Variants in NRG1 observed in about 807,000 individuals in gnomAD.
NRG1 encodes neuregulin 1.
NRG1 carries 18 observed loss-of-function variants against 63.8 expected under a neutral mutation model. The observed-to-expected ratio is 0.28, with a 90% CI of 0.19 to 0.42. NRG1 has a LOEUF of 0.42. Among genes scored for constraint, NRG1 ranks in the 10% least tolerant of loss-of-function variants. The probability of loss-of-function intolerance (pLI) is 1.00; values close to 1 mark genes in which losing one functional copy is unlikely to be tolerated. For missense variants in NRG1, 762 were observed against 814.7 expected, an observed-to-expected ratio of 0.94 and a Z score of 0.79; for synonymous variants, 302 against 301.3, an observed-to-expected ratio of 1.00 and a Z score of -0.02.
chr8:32,271,667 G>C (rs1328433737), intron 1 of NRG1, among the ~76,000 whole-genome samples: 2 of 152,134 alleles, frequency 1.3e-5, no homozygotes, highest in Non-Finnish European at 2.9e-5. Context: ...GTACTTAAAG[G>C]CTGATCTTCT....
chr8:32,050,207 C>T (rs970090746), intron 1 of NRG1, among the ~76,000 whole-genome samples: 3 of 151,956 alleles, frequency 2.0e-5, no homozygotes, highest in African/African-American at 2.4e-5. Flanking sequence ...AAAGACATTG[C>T]GTCAGTTGGT....
intron 1 of NRG1, among the ~76,000 whole-genome samples, chr8:31,660,292 CAT>C (rs75572186): frequency 0.21 from 32,613 of 151,936 alleles, 4,246 homozygotes; most frequent in East Asian, 0.59. Context: ...GGAGAAAAGA[CAT>C]ATTGATGCTT....
At chr8:32,354,017 A>G (rs139743798) in intron 1 of NRG1, among the ~76,000 whole-genome samples, 99 of 152,354 alleles carry the variant, frequency 6.5e-4, no homozygotes, top group African/African-American at 2.3e-3. Context: ...CAATTGACAC[A>G]TGCTACAACA....
At chr8:32,658,098 G>A (rs1250181089) in intron 5 of NRG1, among the ~76,000 whole-genome samples, 2 of 152,108 alleles carry the variant, frequency 1.3e-5, no homozygotes, top group Non-Finnish European at 2.9e-5. Flanking sequence ...GCATGAATAT[G>A]ATCCTTATAA....
intron 1 of NRG1, among the ~76,000 whole-genome samples, chr8:31,983,059 A>C (rs981847946): frequency 6.6e-6 from 1 of 152,146 alleles, no homozygotes; most frequent in Admixed American, 6.6e-5. Context: ...AATGTGAATA[A>C]TATCATACCT....
At chr8:32,439,319 G>A (rs34871085) in intron 1 of NRG1, among the ~76,000 whole-genome samples, 7,983 of 152,222 alleles carry the variant, frequency 0.052, 282 homozygotes, top group Middle Eastern at 0.085. Context: ...CTCATAATTT[G>A]TCATTTCTTT....
rs142248065 is a variant in NRG1, at chr8:32,297,538, A to G, written c.38-298290A>G. Among the ~76,000 whole-genome samples the G allele has an allele frequency of 3.5e-4, 53 of 152,290 alleles. No homozygotes were observed. In the East Asian group the frequency reaches 8.5e-3, roughly 24 times the overall value. On this transcript the variant is annotated intron_variant, in intron 1 of 10. Coordinates refer to the NRG1 transcript ENST00000519301. ...TTAGATGGCTTGCCCTTTAGTTGCTACTTTCCTTGGACCCTTTCCAGGGTC... is the reference window on the plus strand; with the variant it reads ...TTAGATGGCTTGCCCTTTAGTTGCTGCTTTCCTTGGACCCTTTCCAGGGTC...
chr8:32,564,468 G>C (rs557879847), intron 1 of NRG1, among the ~76,000 whole-genome samples: 5 of 152,272 alleles, frequency 3.3e-5, no homozygotes, highest in Admixed American at 3.3e-4. Context: ...ATTATTTCTA[G>C]TACAGTGGCT....
At chr8:31,690,742 T>C (rs1809416364) in intron 1 of NRG1, among the ~76,000 whole-genome samples, 1 of 152,216 alleles carries the variant, frequency 6.6e-6, no homozygotes, top group South Asian at 2.1e-4. Context: ...TTTCAAGGCT[T>C]ATAGTTTCTC....
downstream of NRG1, among the ~76,000 whole-genome samples, chr8:32,771,880 G>T (rs1030382321): frequency 3.4e-5 from 5 of 147,000 alleles, no homozygotes; most frequent in African/African-American, 1.2e-4. Flanking sequence ...AAAATTAGCC[G>T]GGCGTGGTGG....
At chr8:32,072,064 C>A (rs948299331) in intron 1 of NRG1, among the ~76,000 whole-genome samples, 2 of 151,942 alleles carry the variant, frequency 1.3e-5, no homozygotes, top group African/African-American at 4.8e-5. Context: ...AAAAGATATG[C>A]CACATAACCA....
intron 1 of NRG1, among the ~76,000 whole-genome samples, chr8:31,947,413 T>A (rs1271993898): frequency 6.6e-6 from 1 of 152,164 alleles, no homozygotes; most frequent in Non-Finnish European, 1.5e-5. Flanking sequence ...TTCAGCTATG[T>A]TGTTTTTGTT....
intron 1 of NRG1, among the ~76,000 whole-genome samples, chr8:32,364,915 T>A (rs987866036): frequency 6.6e-6 from 1 of 152,004 alleles, no homozygotes; most frequent in African/African-American, 2.4e-5. Context: ...AATTTTTAGC[T>A]TTTATTCATG....
In NRG1 at chr8:31,833,479, C is replaced by T. The variant is rs571669336; in HGVS notation, c.37+194048C>T. Reference sequence around the variant, plus strand: ...CCCTGCAAAATTAGCTTTCAAAATACGTGCAGATAAGCCCATAGAACTGGG... The same window carrying T: ...CCCTGCAAAATTAGCTTTCAAAATATGTGCAGATAAGCCCATAGAACTGGG... On this transcript the variant is annotated intron_variant, in intron 1 of 10. Coordinates refer to the NRG1 transcript ENST00000519301. Among the ~76,000 whole-genome samples the T allele has an allele frequency of 1.6e-4, 24 of 152,304 alleles. No homozygotes were observed. In the East Asian group the frequency reaches 2.7e-3, roughly 17 times the overall value.
intron 1 of NRG1, among the ~76,000 whole-genome samples, chr8:32,046,505 A>G (rs930428797): frequency 2.2e-4 from 33 of 152,250 alleles, no homozygotes; most frequent in African/African-American, 7.7e-4. Context: ...GAATATTTAT[A>G]GTAGCTTTGT....
At chr8:32,593,803 T>G (rs1159347194) in intron 1 of NRG1, among the ~76,000 whole-genome samples, 1 of 150,776 alleles carries the variant, frequency 6.6e-6, no homozygotes, top group East Asian at 1.9e-4. Context: ...TGAACCACAT[T>G]TTAAAAAGAC....
chr8:32,670,860 G>GT (rs1200187252), intron 5 of NRG1, among the ~76,000 whole-genome samples: 1 of 152,094 alleles, frequency 6.6e-6, no homozygotes, highest in Non-Finnish European at 1.5e-5. Context: ...AATTGAGTCA[G>GT]TTTACATTGT....
At chr8:32,297,891 A>T (rs1464465866) in intron 1 of NRG1, among the ~76,000 whole-genome samples, 6 of 152,198 alleles carry the variant, frequency 3.9e-5, no homozygotes, top group Non-Finnish European at 8.8e-5. Context: ...GCAGTGAAAA[A>T]TTATCCAGTA....
intron 1 of NRG1, among the ~76,000 whole-genome samples, chr8:32,576,660 A>AT (rs1406719183): frequency 6.6e-6 from 1 of 152,130 alleles, no homozygotes; most frequent in Non-Finnish European, 1.5e-5. Context: ...GCACAGTGTA[A>AT]TATTTATGAG....
Sources: allele counts gnomAD v4.1 joint callset (sites outside exome capture counted in the v4.1 genomes callset), GRCh38; gene constraint gnomAD v4.1.1; transcripts MANE v1.5; gene names NCBI Gene and HGNC (gene_info 2026-07-23, HGNC 2026-07-21).